Variants in PCF11 observed in about 807,000 individuals in gnomAD.
The protein encoded by PCF11 is pre-mRNA cleavage complex 2 protein Pcf11.
Under a neutral mutation model 166.1 loss-of-function variants are expected in PCF11, and 19 were observed. The observed-to-expected ratio is 0.11, with a 90% CI of 0.08 to 0.17. The LOEUF is 0.17. Ranked by LOEUF, PCF11 falls within the 10% of genes least tolerant of loss-of-function variation. The pLI is 1.00. For synonymous variants in PCF11, 663 were observed against 644.1 expected, an observed-to-expected ratio of 1.03 and a Z score of -0.44; for missense variants, 1,565 against 1,855.5, an observed-to-expected ratio of 0.84 and a Z score of 2.88.
At position 83,166,465 on chromosome 11, in the gene PCF11, A is replaced by C. The variant is rs143961720; in HGVS notation, c.1568A>C (p.Gln523Pro). Residue 523 changes from glutamine (Q) to proline (P), a missense_variant, in exon 5 of 16, where the codon CAA becomes CCA. Coordinates refer to ENST00000298281, the Ensembl canonical transcript of PCF11. The stretch of plus-strand genomic sequence containing the variant: ...ACACCTAAAGCTGGAAAGATTCGCC[A>C]ATCTGGAGCTAAGCAGTCACATATG... 1.7e-4 allele frequency: 270 copies of C among 1,614,010 alleles called. No individual in the cohort carries two copies. The African/African-American group carries it at 3.0e-3, about 18-fold the overall frequency.
chr11:83,166,805 C>A, intron 5 of PCF11, 91 bp downstream of exon 5: 1 of 1,066,312 alleles, frequency 9.4e-7, no homozygotes, highest in Non-Finnish European at 1.4e-6. Context: ...TTATTAGGTG[C>A]TATTAGTACT....
intron 7 of PCF11, among the ~76,000 whole-genome samples, chr11:83,168,175 G>A (rs1255180296): frequency 6.6e-6 from 1 of 152,100 alleles, no homozygotes; most frequent in Non-Finnish European, 1.5e-5. Flanking sequence ...CTATTTTACA[G>A]ATAGGAAATA....
intron 4 of PCF11, among the ~76,000 whole-genome samples, chr11:83,164,788 G>T (rs1470646711): frequency 6.6e-6 from 1 of 151,974 alleles, no homozygotes; most frequent in African/African-American, 2.4e-5. Flanking sequence ...GAGTTGGAAG[G>T]ATCACTTGCG....
At chr11:83,177,657 G>A in intron 10 of PCF11, 57 bp from the exon 11 acceptor site, 2 of 855,890 alleles carry the variant, frequency 2.3e-6, no homozygotes, top group Non-Finnish European at 3.7e-6. Flanking sequence ...GTGTTCCTCT[G>A]TAGAGAATAC....
chr11:83,170,894 C>T (rs905885542), intron 8 of PCF11, among the ~76,000 whole-genome samples: 2 of 152,190 alleles, frequency 1.3e-5, no homozygotes, highest in East Asian at 1.9e-4. Flanking sequence ...TCTAATGGTA[C>T]GAAAAAACAG....
chr11:83,169,680 A>C, exon 8 of PCF11: 1 of 1,614,008 alleles, frequency 6.2e-7, no homozygotes, highest in Non-Finnish European at 8.5e-7. Context: ...AAGGCACAAG[A>C]TTTGACAATC....
At position 83,181,039 on chromosome 11, in the gene PCF11, A is replaced by G. The variant is rs1424957236; in HGVS notation, c.4015A>G (p.Thr1339Ala). The stretch of plus-strand genomic sequence containing the variant: ...TGACAGTGTTATAAATCGACTGTAC[A>G]CTGGTATTCAGTGTTACTCTTGTGG... The change falls in exon 12 of 16, where the codon ACT becomes GCT. Residue 1339 changes from threonine (T) to alanine (A), a missense_variant. Transcript: ENST00000298281. 3 of 1,592,866 alleles carry G rather than the reference A, an allele frequency of 1.9e-6. No homozygotes were observed. The highest frequency in any genetic ancestry group is 2.6e-6 in the Non-Finnish European group (3 of 1,165,424).
At chr11:83,168,857 CAGG>C (rs1860570886) in exon 8 of PCF11, 1 of 1,613,508 alleles carries the variant, frequency 6.2e-7, no homozygotes, top group South Asian at 1.1e-5. Flanking sequence ...ATTGGTCAAG[CAGG>C]AGGAGGTGGT....
At chr11:83,181,487 C>T (rs1590939627) in intron 12 of PCF11, among the ~76,000 whole-genome samples, 1 of 145,816 alleles carries the variant, frequency 6.9e-6, no homozygotes, top group Non-Finnish European at 1.5e-5. Context: ...GGAATATAAA[C>T]ACATTTTTTA....
At chr11:83,182,722 G>C (rs1590940653) in intron 14 of PCF11, among the ~76,000 whole-genome samples, 1 of 152,148 alleles carries the variant, frequency 6.6e-6, no homozygotes, top group African/African-American at 2.4e-5. Context: ...ACAGACCCAG[G>C]ACTAGGTCTT....
At position 83,183,636 on chromosome 11, in the gene PCF11, G is replaced by A. The variant is rs1044647838; in HGVS notation, c.4452+563G>A. ...TTCCCAAGTAGCTGGGATTACAGGC[G>A]TGCACCACCACACCTGGCTAATTTT... On this transcript the variant is annotated intron_variant, in intron 15 of 15. Coordinates refer to ENST00000298281, the Ensembl canonical transcript of PCF11. 4.6e-5 allele frequency among the ~76,000 whole-genome samples: 7 copies of A among 151,926 alleles called. No homozygotes were observed. In the East Asian group the frequency reaches 9.8e-4, roughly 21 times the overall value.
At chr11:83,157,864 T>G in intron 1 of PCF11, 1 of 562,648 alleles carries the variant, frequency 1.8e-6, no homozygotes, top group Non-Finnish European at 3.2e-6. Context: ...CCAACTCCCT[T>G]TTTAGGCCAC....
rs182284753 is a variant in PCF11, at chr11:83,161,395, G to A, written c.261G>A (p.Glu87=). Residue 87 remains glutamate, a synonymous_variant, in exon 2 of 16, where the codon GAG becomes GAA. Transcript: ENST00000298281. ...CTATTGTGAAAAACGTTGGAAGAGA[G>A]TATCTCACTGCCTTTACTAAAAATC... 4.4e-6 allele frequency: 7 copies of A among 1,601,998 alleles called. No homozygotes were observed. In the East Asian group the frequency reaches 1.6e-4, roughly 36 times the overall value.
At position 83,163,443 on chromosome 11, in the gene PCF11, G is replaced by T. The variant is rs565097317; in HGVS notation, c.319-236G>T. Among the ~76,000 whole-genome samples, 9 of 152,020 alleles carry T rather than the reference G, an allele frequency of 5.9e-5. No individual in the cohort carries two copies. The South Asian group carries it at 1.9e-3, about 32-fold the overall frequency. ...AAGCTCTAAGATGTGGAAACGTTTT[G>T]TATATAGAAAGGCTCACCTGGTTGG... On this transcript the variant is annotated intron_variant, in intron 2 of 15. Transcript: ENST00000298281.
At chr11:83,168,700 C>G (rs1316767905) in exon 8 of PCF11, 1 of 1,613,824 alleles carries the variant, frequency 6.2e-7, no homozygotes, top group African/African-American at 1.3e-5. Context: ...ACCAGCTTCT[C>G]TTCGGTTTGA....
rs756616856 is a variant in PCF11 at position 83,161,186 on chromosome 11, CTT to C, written c.193-140_193-139del. On this transcript the variant is annotated intron_variant, in intron 1 of 15. Transcript: ENST00000298281. ...TGAGAGTTGAGAGCTTGATTGAACA[CTT>C]AAGTTTCATAAAGATTACTTCAAAA... 9.5e-6 allele frequency: 6 copies of C among 634,214 alleles called. No individual in the cohort carries two copies. In the Admixed American group the frequency reaches 1.5e-4, roughly 16 times the overall value. 39.3% of individuals were successfully genotyped at this position (634,214 alleles called of 1,614,324 possible).
Position 83,182,039 on chromosome 11 carries a change from A to T in PCF11, c.4323+30A>T, listed in dbSNP as rs377411910. 7 of 1,567,582 alleles carry T rather than the reference A, an allele frequency of 4.5e-6. 1 individual carries two copies. Among genetic ancestry groups the T allele is most frequent in the Middle Eastern group, 1.7e-4 (1 of 5,854 alleles). On this transcript the variant is annotated intron_variant, in intron 13 of 15. Coordinates refer to ENST00000298281, the Ensembl canonical transcript of PCF11. Reference sequence around the variant, plus strand: ...GAGAAGAACGTTTAAGTTTTCTCACAGTGGGAGTGTCCCTCACTTCCTTTA... The same window carrying T: ...GAGAAGAACGTTTAAGTTTTCTCACTGTGGGAGTGTCCCTCACTTCCTTTA...
At chr11:83,163,948 G>T in intron 3 of PCF11, 81 bp downstream of exon 3, 1 of 637,602 alleles carries the variant, frequency 1.6e-6, no homozygotes, top group Non-Finnish European at 2.5e-6. Context: ...CTGCCAGAAA[G>T]TCAAAATAGA....
chr11:83,161,402 A>G (rs1342028628), exon 2 of PCF11: 1 of 1,601,156 alleles, frequency 6.2e-7, no homozygotes. Context: ...AGAGTATCTC[A>G]CTGCCTTTAC....
Sources: gnomAD v4.1 joint callset for allele counts (sites outside exome capture counted in the v4.1 genomes callset) on GRCh38, gnomAD v4.1.1 for gene constraint, MANE v1.5 for transcripts, NCBI Gene and HGNC (gene_info 2026-07-23, HGNC 2026-07-21) for gene names.